Variants in LARGE1 observed in about 807,000 individuals in gnomAD.
LARGE1 encodes the protein LARGE xylosyl- and glucuronyltransferase 1.
Under a neutral mutation model 87.6 loss-of-function variants are expected in LARGE1, and 43 were observed. That is an observed-to-expected ratio of 0.49 (90% CI 0.38 to 0.63). The LOEUF (loss-of-function observed/expected upper bound fraction) is 0.63. LARGE1 is among the 30% of genes least tolerant of loss of function. The pLI, the probability that LARGE1 is intolerant of heterozygous loss-of-function variation, is 0.00. For missense variants in LARGE1, 802 were observed against 1,000.2 expected, an observed-to-expected ratio of 0.80 and a Z score of 2.67; for synonymous variants, 434 against 394.6, an observed-to-expected ratio of 1.10 and a Z score of -1.18.
intron 2 of LARGE1, among the ~76,000 whole-genome samples, chr22:33,704,252 G>A (rs964464876): frequency 6.6e-6 from 1 of 152,192 alleles, no homozygotes; most frequent in South Asian, 2.1e-4. Context: ...TAATGTTCTT[G>A]AAGATGCATA....
intron 1 of LARGE1, among the ~76,000 whole-genome samples, chr22:33,789,768 T>C (rs1452077742): frequency 6.6e-6 from 1 of 152,248 alleles, no homozygotes; most frequent in Non-Finnish European, 1.5e-5. Context: ...TTCCTTCATT[T>C]TGGCCAATGT....
intron 4 of LARGE1, among the ~76,000 whole-genome samples, chr22:33,607,046 C>T (rs951858625): frequency 6.6e-6 from 1 of 152,008 alleles, no homozygotes; most frequent in African/African-American, 2.4e-5. Flanking sequence ...CAGCACAGTG[C>T]CTAGAAGAGA....
Position 33,249,439 on chromosome 22 carries a change from C to T in LARGE1, c.1730+54790G>A, listed in dbSNP as rs1010923930. 5.3e-5 allele frequency among the ~76,000 whole-genome samples: 8 copies of T among 152,200 alleles called. No homozygotes were observed. The South Asian group carries it at 8.3e-4, about 16-fold the overall frequency. On this transcript the variant is annotated intron_variant, in intron 11 of 11. Coordinates refer to the LARGE1 transcript ENST00000608642. ...GTGTTCTTTTTATACTTTGGTTAGC[C>T]GTTCCTTATCAGATGTGTCTTTTGC...
At chr22:33,197,008 T>C (rs2146203224) in intron 11 of LARGE1, among the ~76,000 whole-genome samples, 1 of 152,330 alleles carries the variant, frequency 6.6e-6, no homozygotes, top group Middle Eastern at 3.4e-3. Flanking sequence ...GATTAACATT[T>C]GAAAATTAAT....
chr22:33,604,092 A>G (rs2079183944), intron 5 of LARGE1, among the ~76,000 whole-genome samples: 1 of 152,148 alleles, frequency 6.6e-6, no homozygotes, highest in Non-Finnish European at 1.5e-5. Context: ...ACCCCAGCCC[A>G]TGGGGGTCTG....
intron 1 of LARGE1, among the ~76,000 whole-genome samples, chr22:33,886,252 C>T (rs1011667807): frequency 1.3e-5 from 2 of 152,196 alleles, no homozygotes; most frequent in African/African-American, 2.4e-5. Flanking sequence ...GACTCAGACA[C>T]TCTGACTTAG....
At chr22:33,632,359 T>C (rs572920056) in intron 3 of LARGE1, among the ~76,000 whole-genome samples, 1 of 152,226 alleles carries the variant, frequency 6.6e-6, no homozygotes, top group Non-Finnish European at 1.5e-5. Flanking sequence ...CCTGGCCTCA[T>C]GTGATCCGCC....
intron 9 of LARGE1, among the ~76,000 whole-genome samples, chr22:33,373,529 G>T (rs539147422): frequency 6.6e-6 from 1 of 152,252 alleles, no homozygotes; most frequent in Non-Finnish European, 1.5e-5. Context: ...ATATCTTGCT[G>T]CATGTGATTT....
chr22:33,081,578 T>C, the LARGE1 span, among the ~76,000 whole-genome samples: 1 of 152,172 alleles, frequency 6.6e-6, no homozygotes, highest in Non-Finnish European at 1.5e-5. Flanking sequence ...AGATAAAATA[T>C]ACCAGGGATT....
chr22:33,574,964 T>C (rs377445506), intron 5 of LARGE1, among the ~76,000 whole-genome samples: 18 of 152,202 alleles, frequency 1.2e-4, no homozygotes, highest in East Asian at 5.8e-4. Flanking sequence ...TAATGATTTA[T>C]GGAGGAAAGA....
intron 6 of LARGE1, among the ~76,000 whole-genome samples, chr22:33,533,988 T>C (rs2076970094): frequency 6.6e-6 from 1 of 152,092 alleles, no homozygotes; most frequent in African/African-American, 2.4e-5. Flanking sequence ...ACCTGACTTT[T>C]TTATTAGAGC....
intron 2 of LARGE1, among the ~76,000 whole-genome samples, chr22:33,684,945 T>C (rs1036894874): frequency 8.5e-5 from 13 of 152,176 alleles, no homozygotes; most frequent in Admixed American, 2.0e-4. Flanking sequence ...TCCATGACCA[T>C]TGGTTTCATT....
chr22:33,333,151 C>T (rs566173213), intron 10 of LARGE1, among the ~76,000 whole-genome samples: 49 of 152,076 alleles, frequency 3.2e-4, no homozygotes, highest in African/African-American at 1.0e-3. Context: ...GGACTACAGG[C>T]GCCCACTACA....
At chr22:33,845,993 T>C (rs2063419049) in intron 1 of LARGE1, among the ~76,000 whole-genome samples, 1 of 152,250 alleles carries the variant, frequency 6.6e-6, no homozygotes, top group African/African-American at 2.4e-5. Flanking sequence ...TTTTCCCCTT[T>C]ACAATTTCCT....
chr22:33,381,857 C>T (rs2065169100), intron 9 of LARGE1, 62 bp downstream of exon 9: 1 of 1,605,030 alleles, frequency 6.2e-7, no homozygotes, highest in Admixed American at 1.7e-5. Flanking sequence ...CATCCATGCC[C>T]CTGGGAGGTC....
At chr22:33,736,180 T>C (rs2083649418) in intron 2 of LARGE1, among the ~76,000 whole-genome samples, 1 of 152,252 alleles carries the variant, frequency 6.6e-6, no homozygotes. Context: ...CTGGGCCACA[T>C]GTCAACTCCA....
At chr22:33,802,999 G>C (rs548476877) in intron 1 of LARGE1, among the ~76,000 whole-genome samples, 55 of 152,310 alleles carry the variant, frequency 3.6e-4, no homozygotes, top group Middle Eastern at 3.4e-3. Flanking sequence ...TGGATGGACA[G>C]GAAGATGGGT....
intron 11 of LARGE1, among the ~76,000 whole-genome samples, chr22:33,256,057 C>A (rs1040229609): frequency 1.3e-5 from 2 of 152,198 alleles, no homozygotes; most frequent in Non-Finnish European, 2.9e-5. Flanking sequence ...TAAATCAAGT[C>A]CAGAATGGCA....
chr22:33,423,506 G>A (rs1165887278), intron 7 of LARGE1, among the ~76,000 whole-genome samples: 2 of 150,968 alleles, frequency 1.3e-5, no homozygotes, highest in South Asian at 2.1e-4. Flanking sequence ...GTGAAACCCC[G>A]TCTCTATTAA....
Sources: gnomAD v4.1 joint callset for allele counts (sites outside exome capture counted in the v4.1 genomes callset) on GRCh38, gnomAD v4.1.1 for gene constraint, MANE v1.5 for transcripts, NCBI Gene and HGNC (gene_info 2026-07-23, HGNC 2026-07-21) for gene names.